Variants in CIBAR2 observed in about 807,000 individuals in gnomAD.
CIBAR2 encodes the protein CBY1 interacting BAR domain containing 2.
CIBAR2 carries 38 observed loss-of-function variants against 36.2 expected under a neutral mutation model. The ratio of observed to expected loss-of-function variants is 1.05; its 90% confidence interval spans 0.81 to 1.38. The LOEUF (loss-of-function observed/expected upper bound fraction) is 1.38, where lower values mean the gene tolerates loss of function less well. CIBAR2 is among the 40% of genes most tolerant of loss of function. CIBAR2 has a pLI of 0.00. For synonymous variants in CIBAR2, 182 were observed against 149.5 expected (o/e 1.22, Z -1.58); for missense variants, 481 against 383.4 (o/e 1.25, Z -2.13).
At chr16:85,099,462 C>T (rs750681727) in intron 8 of CIBAR2, 116 bp from the exon 9 acceptor site, 41 of 667,644 alleles carry the variant, frequency 6.1e-5, no homozygotes, top group Non-Finnish European at 9.8e-5. Context: ...CTGGAACCCG[C>T]GGGCCCACGG....
chr16:85,110,861 TGCCTG>T (rs1255009450), intron 1 of CIBAR2, among the ~76,000 whole-genome samples: 3 of 152,046 alleles, frequency 2.0e-5, no homozygotes, highest in African/African-American at 4.8e-5. Flanking sequence ...CCTGCCACCA[TGCCTG>T]GCTAATTTTT....
intron 6 of CIBAR2, among the ~76,000 whole-genome samples, chr16:85,103,368 G>A (rs868045824): frequency 6.6e-6 from 1 of 152,208 alleles, no homozygotes; most frequent in South Asian, 2.1e-4. Flanking sequence ...CCAGCTTAAA[G>A]TGTTGTGTTG....
intron 2 of CIBAR2, among the ~76,000 whole-genome samples, chr16:85,108,920 T>G (rs2074018996): frequency 6.6e-6 from 1 of 151,954 alleles, no homozygotes; most frequent in African/African-American, 2.4e-5. Context: ...CTTGCCAATT[T>G]TACAATCGGG....
intron 1 of CIBAR2, among the ~76,000 whole-genome samples, chr16:85,110,697 A>T (rs1435482427): frequency 8.3e-6 from 1 of 120,408 alleles, no homozygotes; most frequent in Non-Finnish European, 1.7e-5. Flanking sequence ...TTGGCTGCAG[A>T]CCTGGCCTTT....
chr16:85,105,792 C>T (rs1483699801), intron 5 of CIBAR2, among the ~76,000 whole-genome samples: 1 of 152,208 alleles, frequency 6.6e-6, no homozygotes, highest in African/African-American at 2.4e-5. Context: ...GCTCCACGTT[C>T]ATTGATAATT....
chr16:85,106,245 C>T (rs982107056), intron 5 of CIBAR2, among the ~76,000 whole-genome samples: 2 of 152,048 alleles, frequency 1.3e-5, no homozygotes, highest in Non-Finnish European at 2.9e-5. Context: ...CACTAGTGTC[C>T]GGGGCCCTGT....
chr16:85,103,730 G>A (rs905025298), intron 6 of CIBAR2, among the ~76,000 whole-genome samples: 11 of 152,310 alleles, frequency 7.2e-5, no homozygotes, highest in African/African-American at 2.4e-4. Context: ...TCACTCATTC[G>A]TTCATTCCAC....
intron 7 of CIBAR2, among the ~76,000 whole-genome samples, chr16:85,101,016 A>G (rs2073951444): frequency 6.6e-6 from 1 of 151,728 alleles, no homozygotes; most frequent in South Asian, 2.1e-4. Flanking sequence ...ACTGCACTCC[A>G]GCCTGGGCGA....
intron 4 of CIBAR2, 82 bp from the exon 5 acceptor site, chr16:85,107,754 A>T: frequency 6.3e-7 from 1 of 1,587,422 alleles, no homozygotes; most frequent in Non-Finnish European, 8.7e-7. Context: ...GCCCCTGCCC[A>T]GCGGGCCCAG....
At chr16:85,111,475 C>G (rs2074042002) in intron 1 of CIBAR2, among the ~76,000 whole-genome samples, 1 of 152,184 alleles carries the variant, frequency 6.6e-6, no homozygotes, top group African/African-American at 2.4e-5. Flanking sequence ...AGAAGTCAGA[C>G]ACTGGGGCTC....
chr16:85,099,392 T>C, intron 8 of CIBAR2, 46 bp from the exon 9 acceptor site: 1 of 1,064,466 alleles, frequency 9.4e-7, no homozygotes, highest in Non-Finnish European at 1.5e-6. Context: ...CCTGGGGCTG[T>C]AAGGTAACAT....
chr16:85,109,706 C>T (rs2074025377), intron 2 of CIBAR2, among the ~76,000 whole-genome samples: 1 of 152,074 alleles, frequency 6.6e-6, no homozygotes, highest in African/African-American at 2.4e-5. Flanking sequence ...GCTATGTTTC[C>T]TAGGCTGATC....
intron 1 of CIBAR2, 56 bp downstream of exon 1, chr16:85,112,277 G>A: frequency 1.3e-6 from 2 of 1,565,940 alleles, no homozygotes. Context: ...GGTGCCCCGG[G>A]CCTCAAAACC....
At chr16:85,108,335 C>T (rs1304278090) in intron 2 of CIBAR2, among the ~76,000 whole-genome samples, 1 of 152,220 alleles carries the variant, frequency 6.6e-6, no homozygotes, top group East Asian at 1.9e-4. Flanking sequence ...GCCTCATTTC[C>T]TCACCTGTCA....
chr16:85,104,537 C>T (rs1450765989), intron 6 of CIBAR2, among the ~76,000 whole-genome samples: 1 of 151,926 alleles, frequency 6.6e-6, no homozygotes, highest in African/African-American at 2.4e-5. Context: ...GTGAGACCAC[C>T]TCCCCCCATC....
intron 5 of CIBAR2, among the ~76,000 whole-genome samples, chr16:85,107,433 A>C (rs975086303): frequency 3.3e-5 from 5 of 152,120 alleles, no homozygotes; most frequent in African/African-American, 1.2e-4. Context: ...TAAACAGGTA[A>C]CTGGAGGGGA....
chr16:85,105,273 C>T (rs2073986485), intron 6 of CIBAR2, 54 bp downstream of exon 6: 3 of 1,000,946 alleles, frequency 3.0e-6, no homozygotes, highest in Non-Finnish European at 4.7e-6. Flanking sequence ...CACGTGCATG[C>T]ACACACACAC....
In CIBAR2 at chr16:85,110,606, G is replaced by T. The variant is rs866288991; in HGVS notation, c.21-146C>A. Reference sequence around the variant, plus strand: ...CACATGCCACAGGCTGTCACTCAAGGTGGCAGCATCACGGCCATTGAGGCT... The same window carrying T: ...CACATGCCACAGGCTGTCACTCAAGTTGGCAGCATCACGGCCATTGAGGCT... On this transcript the variant is annotated intron_variant, in intron 1 of 8. Coordinates refer to ENST00000539556, the MANE Select transcript of CIBAR2 (RefSeq NM_198491.3). 8 of 592,956 alleles carry T rather than the reference G, an allele frequency of 1.3e-5. No individual in the cohort carries two copies. The Middle Eastern group carries it at 1.6e-3, about 122-fold the overall frequency. The allele number at this position is 592,956 out of a possible 1,614,324, so 36.7% of individuals were successfully genotyped here. A position where few individuals can be genotyped will look rare whatever the true frequency, so the allele number is the denominator to read the frequency against.
chr16:85,112,384 G>A lies in CIBAR2; in HGVS notation c.-32C>T, dbSNP rs757746877. ...CAGAGCTTTGGCTGTCCCGGTGCTG[G>A]GGAATAAGGACAGGGCCCCAGGGGT... On this transcript the variant is annotated 5_prime_UTR_variant, in exon 1 of 9. Coordinates refer to ENST00000539556, the MANE Select transcript of CIBAR2 (RefSeq NM_198491.3). The A allele has an allele frequency of 6.2e-7, 1 of 1,612,092 alleles. No individual in the cohort carries two copies.
Sources: gnomAD v4.1 joint callset for allele counts (sites outside exome capture counted in the v4.1 genomes callset) on GRCh38, gnomAD v4.1.1 for gene constraint, MANE v1.5 for transcripts, NCBI Gene and HGNC (gene_info 2026-07-23, HGNC 2026-07-21) for gene names.